Variants in CENPP observed in about 807,000 individuals in gnomAD.
CENPP encodes the protein centromere protein P.
A neutral mutation model predicts 35.6 loss-of-function variants in CENPP; 24 were observed. The observed-to-expected ratio is 0.67, with a 90% CI of 0.49 to 0.95. The LOEUF is 0.95. CENPP is among the 40% of genes least tolerant of loss of function. The pLI is 0.00. For missense variants in CENPP, 332 were observed against 345.3 expected (o/e 0.96, Z 0.31); for synonymous variants, 120 against 125.5 (o/e 0.96, Z 0.29).
At chr9:92,403,408 T>G in intron 5 of CENPP, 2 of 1,594,168 alleles carry the variant, frequency 1.3e-6, no homozygotes, top group Non-Finnish European at 1.7e-6. Flanking sequence ...GAGTCTTCAT[T>G]TTAGCAAAAA....
In CENPP at chr9:92,514,976, C is replaced by G. The variant is rs145991428; in HGVS notation, c.565-96338C>G. 2.5e-4 allele frequency: 401 copies of G among 1,613,916 alleles called. No homozygotes were observed. Among genetic ancestry groups the G allele is most frequent in the Non-Finnish European group, 3.0e-4 (349 of 1,180,002 alleles). On this transcript the variant is annotated intron_variant, in intron 5 of 7. Coordinates refer to ENST00000375587, the MANE Select transcript of CENPP (RefSeq NM_001012267.3). ...CTGTCCCCCTCACTGTAAAGTTGCC[C>G]CTGATTTCTAGATTCAGGGGTCTCT...
At chr9:92,603,781 G>C (rs550711106) in intron 5 of CENPP, among the ~76,000 whole-genome samples, 5 of 152,126 alleles carry the variant, frequency 3.3e-5, no homozygotes, top group African/African-American at 1.2e-4. Context: ...ACTCAGCCAT[G>C]GTCCCCCTGC....
At chr9:92,454,971 C>T (rs1173980527) in intron 5 of CENPP, among the ~76,000 whole-genome samples, 3 of 152,154 alleles carry the variant, frequency 2.0e-5, no homozygotes, top group Non-Finnish European at 4.4e-5. Flanking sequence ...CCAGATATGT[C>T]ATTTTAGAAA....
At chr9:92,498,133 G>T (rs1375976690) in intron 5 of CENPP, among the ~76,000 whole-genome samples, 8 of 152,170 alleles carry the variant, frequency 5.3e-5, no homozygotes, top group African/African-American at 1.9e-4. Flanking sequence ...GACATATATA[G>T]AGAGAAAACT....
At chr9:92,608,985 C>G (rs1270073510) in intron 5 of CENPP, among the ~76,000 whole-genome samples, 2 of 152,246 alleles carry the variant, frequency 1.3e-5, no homozygotes, top group Admixed American at 6.5e-5. Context: ...CCAATGAGTC[C>G]CAAGTGCTGC....
intron 4 of CENPP, among the ~76,000 whole-genome samples, chr9:92,370,545 A>T (rs989309492): frequency 3.3e-5 from 5 of 151,990 alleles, no homozygotes; most frequent in African/African-American, 1.2e-4. Flanking sequence ...TAGTGGCATG[A>T]TCTTGGCTCA....
chr9:92,420,260 G>C (rs571222778), intron 5 of CENPP, among the ~76,000 whole-genome samples: 1 of 152,296 alleles, frequency 6.6e-6, no homozygotes, highest in South Asian at 2.1e-4. Flanking sequence ...TGATTCTACT[G>C]TTTTTCACTG....
chr9:92,378,831 G>A (rs183365492), intron 4 of CENPP, among the ~76,000 whole-genome samples: 3 of 152,296 alleles, frequency 2.0e-5, no homozygotes, highest in East Asian at 1.9e-4. Flanking sequence ...AATAGGATAC[G>A]TGGTGTGGTG....
chr9:92,407,631 A>G (rs1305580993), intron 5 of CENPP, among the ~76,000 whole-genome samples: 1 of 152,180 alleles, frequency 6.6e-6, no homozygotes, highest in East Asian at 1.9e-4. Context: ...TATGAAGGCA[A>G]GGTCTTGCTC....
intron 5 of CENPP, chr9:92,482,237 C>T (rs892755988): frequency 2.6e-5 from 4 of 152,054 alleles, no homozygotes; most frequent in Non-Finnish European, 4.4e-5. Context: ...TTAATGTCTC[C>T]TTAGTATTGA....
At chr9:92,336,643 G>A (rs1396489133) in intron 2 of CENPP, among the ~76,000 whole-genome samples, 6 of 152,116 alleles carry the variant, frequency 3.9e-5, no homozygotes, top group African/African-American at 1.2e-4. Context: ...CGTAAAGTCA[G>A]GATAGTGCTT....
Position 92,482,810 on chromosome 9 carries a change from A to G in CENPP, c.564+102951A>G, listed in dbSNP as rs1443505190. 9.9e-5 allele frequency among the ~76,000 whole-genome samples: 15 copies of G among 152,186 alleles called. 1 individual carries two copies. The highest frequency in any genetic ancestry group is 9.8e-4 in the Admixed American group (15 of 15,286). On this transcript the variant is annotated intron_variant, in intron 5 of 7. Transcript: ENST00000375587. ...AATCTGAATAAAGGATACCAACATT[A>G]CTGAAGTATATACCCAAACTTCAGA...
Position 92,620,253 on chromosome 9 carries a change from C to G in CENPP, c.*7104C>G, listed in dbSNP as rs1010586984. 6.5e-6 allele frequency: 1 copy of G among 154,242 alleles called. No homozygotes were observed. Among genetic ancestry groups the G allele is most frequent in the African/African-American group, 2.4e-5 (1 of 41,454 alleles). The allele number at this position is 154,242 out of a possible 1,614,324, so 9.6% of individuals were successfully genotyped here. A position where few individuals can be genotyped will look rare whatever the true frequency, so the allele number is the denominator to read the frequency against. On this transcript the variant is annotated 3_prime_UTR_variant, in exon 8 of 8. Transcript: ENST00000375587. ...ACATTTACACTCTTCAACACATGCT[C>G]CAAGCTATGTGGGTCTGTCCATACT...
At position 92,450,867 on chromosome 9, in the gene CENPP, T is replaced by C. The variant is rs1216136393; in HGVS notation, c.564+71008T>C. On this transcript the variant is annotated intron_variant, in intron 5 of 7. Transcript: ENST00000375587. ...GTCAGTGATGGTGAGCATTTTTTCA[T>C]GTGTTTTTTGGCTGCATACATGTCT... Among the ~76,000 whole-genome samples, 4 of 152,250 alleles carry C rather than the reference T, an allele frequency of 2.6e-5. No individual in the cohort carries two copies. In the East Asian group the frequency reaches 5.8e-4, roughly 22 times the overall value.
At chr9:92,361,018 G>T (rs1487668299) in intron 4 of CENPP, among the ~76,000 whole-genome samples, 1 of 151,834 alleles carries the variant, frequency 6.6e-6, no homozygotes, top group Non-Finnish European at 1.5e-5. Context: ...TATTTATCTA[G>T]ATTTTTAATG....
intron 4 of CENPP, among the ~76,000 whole-genome samples, chr9:92,369,271 C>T (rs7027595): frequency 0.41 from 61,537 of 151,836 alleles, 14,739 homozygotes; most frequent in African/African-American, 0.66. Context: ...TTGTGGTCTC[C>T]GTGGGAAGGA....
At chr9:92,351,638 C>A (rs1415233877) in intron 4 of CENPP, among the ~76,000 whole-genome samples, 1 of 152,020 alleles carries the variant, frequency 6.6e-6, no homozygotes, top group Non-Finnish European at 1.5e-5. Flanking sequence ...ACAGTATTTG[C>A]CTTTTTTCTT....
At chr9:92,368,643 T>C (rs935131593) in intron 4 of CENPP, among the ~76,000 whole-genome samples, 1 of 152,184 alleles carries the variant, frequency 6.6e-6, no homozygotes, top group Admixed American at 6.5e-5. Context: ...CCTCTGGTAT[T>C]TATATATTGT....
chr9:92,610,737 AGT>A (rs1851215312), intron 5 of CENPP: 1 of 153,526 alleles, frequency 6.5e-6, no homozygotes. Flanking sequence ...CACTGGGCAC[AGT>A]GAGGATACCA....
Sources: allele counts gnomAD v4.1 joint callset (sites outside exome capture counted in the v4.1 genomes callset), GRCh38; gene constraint gnomAD v4.1.1; transcripts MANE v1.5; gene names NCBI Gene and HGNC (gene_info 2026-07-23, HGNC 2026-07-21).